The following FAM86B1 variants were observed in gnomAD, a reference collection of about 807,000 sequenced individuals.
FAM86B1 encodes putative protein N-methyltransferase FAM86B1.
For synonymous variants in FAM86B1, 4 were observed against 137.6 expected, an observed-to-expected ratio of 0.03 and a Z score of 6.79; for missense variants, 13 against 328.1, an observed-to-expected ratio of 0.04 and a Z score of 7.42.
At chr8:12,194,536 G>A (rs1807511956), upstream of FAM86B1, 1 of 149,896 alleles carries the variant, frequency 6.7e-6, no homozygotes, top group Admixed American at 6.6e-5. Context: ...GCCCAGAGAA[G>A]GGCTCAGGAG....
At chr8:12,190,321 A>G (rs200142227) in intron 2 of FAM86B1, among the ~76,000 whole-genome samples, 7,195 of 127,130 alleles carry the variant, frequency 0.057, 154 homozygotes, top group African/African-American at 0.14. Context: ...GGTGACTCCA[A>G]CTAAAGCCGA....
intron 1 of FAM86B1, among the ~76,000 whole-genome samples, chr8:12,193,356 G>A (rs1206596774): frequency 7.0e-6 from 1 of 143,548 alleles, no homozygotes; most frequent in Non-Finnish European, 1.5e-5. Context: ...CAATGCACAT[G>A]AATTACAAAT....
In FAM86B1 at chr8:12,192,870, C is replaced by T. The variant is rs1212152210; in HGVS notation, c.97-1029G>A. ...CATTTGTACTCAACGCTGAGAACAA[C>T]CCTAAGAGGTAGGTATCATTATATC... On this transcript the variant is annotated intron_variant, in intron 1 of 6. Coordinates refer to ENST00000448228, the MANE Select transcript of FAM86B1 (RefSeq NM_001083537.4). Among the ~76,000 whole-genome samples the T allele has an allele frequency of 8.7e-5, 13 of 150,170 alleles. 2 individuals carry two copies. Among genetic ancestry groups the T allele is most frequent in the African/African-American group, 3.3e-4 (13 of 39,738 alleles).
At position 12,183,520 on chromosome 8, in the gene FAM86B1, GA is replaced by G. The variant is rs1805266449; in HGVS notation, c.*85del. 8 of 460,802 alleles carry G rather than the reference GA, an allele frequency of 1.7e-5. No homozygotes were observed. Among genetic ancestry groups the G allele is most frequent in the Non-Finnish European group, 2.8e-5 (7 of 252,744 alleles). 28.5% of individuals were successfully genotyped at this position (460,802 alleles called of 1,614,324 possible). On this transcript the variant is annotated 3_prime_UTR_variant, in exon 7 of 7. Coordinates refer to ENST00000448228, the MANE Select transcript of FAM86B1 (RefSeq NM_001083537.4). ...TAATCTCCAAACATTCCAGTCCAAT[GA>G]AAGTTTTATCCACTTTCCCATATAA... is the stretch of plus-strand genomic sequence containing the variant.
At chr8:12,192,794 ACTAG>A (rs1254068635) in intron 1 of FAM86B1, among the ~76,000 whole-genome samples, 1 of 150,108 alleles carries the variant, frequency 6.7e-6, no homozygotes, top group Non-Finnish European at 1.5e-5. Context: ...TGAAGAAAAC[ACTAG>A]CTAACACCGA....
At chr8:12,192,735 G>A (rs1585245160) in intron 1 of FAM86B1, among the ~76,000 whole-genome samples, 1 of 143,442 alleles carries the variant, frequency 7.0e-6, no homozygotes, top group African/African-American at 2.8e-5. Context: ...GGGTACTGCC[G>A]ATCCATGGTG....
At chr8:12,191,023 T>C (rs1360496416) in intron 2 of FAM86B1, among the ~76,000 whole-genome samples, 1 of 149,202 alleles carries the variant, frequency 6.7e-6, no homozygotes, top group African/African-American at 2.5e-5. Context: ...CCTACTGTAT[T>C]GCCCCGAAAG....
intron 1 of FAM86B1, among the ~76,000 whole-genome samples, chr8:12,192,896 C>T (rs1262725162): frequency 8.7e-5 from 13 of 149,520 alleles, no homozygotes; most frequent in African/African-American, 3.3e-4. Flanking sequence ...TCATTATATC[C>T]CCCATTTTAT....
At chr8:12,194,733 G>T (rs1807541399), upstream of FAM86B1, 2 of 160,136 alleles carry the variant, frequency 1.2e-5, no homozygotes, top group Admixed American at 6.2e-5. Context: ...AGGGGCCGGT[G>T]TTGGGAGGGA....
At chr8:12,189,368 A>C (rs1422643600) in intron 3 of FAM86B1, among the ~76,000 whole-genome samples, 1 of 118,418 alleles carries the variant, frequency 8.4e-6, no homozygotes, top group East Asian at 2.3e-4. Context: ...AATGCAGAGA[A>C]TTCACCAGAG....
intron 3 of FAM86B1, among the ~76,000 whole-genome samples, chr8:12,189,433 G>A (rs1357465485): frequency 3.1e-5 from 3 of 96,506 alleles, no homozygotes; most frequent in African/African-American, 6.0e-5. Flanking sequence ...GGCCCGTGGG[G>A]CAACCCAGAG....
chr8:12,192,529 C>A (rs1168256662), intron 1 of FAM86B1, among the ~76,000 whole-genome samples: 1 of 132,490 alleles, frequency 7.5e-6, no homozygotes, highest in Non-Finnish European at 1.5e-5. Context: ...GGCTGCTTCA[C>A]CACTCAGGTC....
rs1287449336 is a variant in FAM86B1 at position 12,182,258 on chromosome 8, G to T, written c.*1348C>A. On this transcript the variant is annotated 3_prime_UTR_variant, in exon 7 of 7. Coordinates refer to ENST00000448228, the MANE Select transcript of FAM86B1 (RefSeq NM_001083537.4). ...GTTACCCACAGATGGGTGGGACTGT[G>T]TTGGCCAGAGGCCGAGAGGAGGGTG... 4.1e-6 allele frequency: 1 copy of T among 241,684 alleles called. No homozygotes were observed. The highest frequency in any genetic ancestry group is 8.0e-6 in the Non-Finnish European group (1 of 125,450). 15.0% of individuals were successfully genotyped at this position (241,684 alleles called of 1,614,324 possible).
chr8:12,193,240 T>C (rs1305300993), intron 1 of FAM86B1, among the ~76,000 whole-genome samples: 1 of 145,818 alleles, frequency 6.9e-6, no homozygotes, highest in Non-Finnish European at 1.5e-5. Context: ...CTCTGAGTGC[T>C]AAATATTTTA....
intron 3 of FAM86B1, chr8:12,188,446 T>A (rs1418534503): frequency 2.0e-6 from 1 of 506,674 alleles, no homozygotes. Context: ...ATTATTCCAC[T>A]TGGTAGGGAA....
At chr8:12,186,143 C>T (rs1585216752) in intron 5 of FAM86B1, 1 of 368,508 alleles carries the variant, frequency 2.7e-6, no homozygotes, top group Non-Finnish European at 4.2e-6. Flanking sequence ...CTGTAGTATG[C>T]CTGTCTCCAA....
At chr8:12,189,291 T>C (rs866234423) in intron 3 of FAM86B1, among the ~76,000 whole-genome samples, 1,991 of 64,610 alleles carry the variant, frequency 0.031, 2 homozygotes, top group Middle Eastern at 0.073. Context: ...AATAAATAAA[T>C]AAATAAATAA....
intron 1 of FAM86B1, among the ~76,000 whole-genome samples, chr8:12,193,069 TAATA>T (rs1236523840): frequency 4.2e-5 from 6 of 144,038 alleles, no homozygotes; most frequent in African/African-American, 1.7e-4. Context: ...TGAGTGATAA[TAATA>T]GTACCCACCT....
At chr8:12,184,163 G>T (rs1392574429) in intron 6 of FAM86B1, among the ~76,000 whole-genome samples, 26 of 25,058 alleles carry the variant, frequency 1.0e-3, no homozygotes, top group Admixed American at 2.4e-3. Flanking sequence ...TTTTTTTCAC[G>T]TAAGTATCTG....
Sources: gnomAD v4.1 joint callset for allele counts (sites outside exome capture counted in the v4.1 genomes callset) on GRCh38, gnomAD v4.1.1 for gene constraint, MANE v1.5 for transcripts, NCBI Gene and HGNC (gene_info 2026-07-23, HGNC 2026-07-21) for gene names.